PPP2R2C: variants seen among roughly 807,000 people sequenced by gnomAD.
PPP2R2C encodes protein phosphatase 2 regulatory subunit Bgamma, also known as protein phosphatase 2, regulatory subunit B, gamma.
PPP2R2C carries 10 observed loss-of-function variants against 45.3 expected under a neutral mutation model. The ratio of observed to expected loss-of-function variants is 0.22; its 90% CI spans 0.14 to 0.37. The LOEUF (loss-of-function observed/expected upper bound fraction) is 0.37, where lower values mean the gene tolerates loss of function less well. PPP2R2C is among the 10% of genes least tolerant of loss of function. The pLI is 1.00. For synonymous variants in PPP2R2C, 257 were observed against 245.4 expected (o/e 1.05, Z -0.44); for missense variants, 308 against 619.7 (o/e 0.50, Z 5.34).
chr4:6,426,927 A>G (rs1463298483), intron 1 of PPP2R2C, among the ~76,000 whole-genome samples: 1 of 152,264 alleles, frequency 6.6e-6, no homozygotes, highest in Non-Finnish European at 1.5e-5. Flanking sequence ...TTGAGCACCA[A>G]CATGGGGAGG....
At chr4:6,338,460 C>A (rs1010106408) in intron 6 of PPP2R2C, among the ~76,000 whole-genome samples, 1 of 152,200 alleles carries the variant, frequency 6.6e-6, no homozygotes. Context: ...AGGTGTGGGG[C>A]GGCTCTGACG....
chr4:6,562,766 C>G (rs1275696165), intron 1 of PPP2R2C, among the ~76,000 whole-genome samples: 2 of 152,168 alleles, frequency 1.3e-5, no homozygotes, highest in African/African-American at 2.4e-5. Context: ...GAAGGCCACC[C>G]GGCCGGTCAG....
At chr4:6,448,765 GTCC>G (rs1720570446) in intron 1 of PPP2R2C, among the ~76,000 whole-genome samples, 1 of 152,128 alleles carries the variant, frequency 6.6e-6, no homozygotes, top group Non-Finnish European at 1.5e-5. Context: ...GTGCCTGGCT[GTCC>G]TCCTCCCCCC....
chr4:6,413,824 C>G lies in PPP2R2C; in HGVS notation c.71-32730G>C. On this transcript the variant is annotated intron_variant, in intron 1 of 8. Transcript: ENST00000382599. Reference sequence around the variant, plus strand: ...GGCCACAGCTAGCAGAGGACTGTGCCGGGGCTCCCACTCAGGGCTGGCCAG... The same window carrying G: ...GGCCACAGCTAGCAGAGGACTGTGCGGGGGCTCCCACTCAGGGCTGGCCAG... The G allele has an allele frequency of 5.3e-6, 8 of 1,511,116 alleles. No individual in the cohort carries two copies. The South Asian group carries it at 9.6e-5, about 18-fold the overall frequency. 93.6% of individuals were successfully genotyped at this position (1,511,116 alleles called of 1,614,324 possible). A position where few individuals can be genotyped will look rare whatever the true frequency, so the allele number is the denominator to read the frequency against.
At chr4:6,377,410 C>T (rs1391540723) in intron 3 of PPP2R2C, among the ~76,000 whole-genome samples, 4 of 152,012 alleles carry the variant, frequency 2.6e-5, no homozygotes, top group African/African-American at 9.7e-5. Flanking sequence ...AATCCCAGCA[C>T]TTTGGGAGGC....
chr4:6,538,426 G>A (rs6850064), intron 1 of PPP2R2C, among the ~76,000 whole-genome samples: 49,131 of 151,922 alleles, frequency 0.32, 8,063 homozygotes, highest in Middle Eastern at 0.43. Context: ...CGACGCAAGC[G>A]TTTCAGAGCA....
At position 6,378,605 on chromosome 4, in the gene PPP2R2C, C is replaced by G. The variant is rs370744467; in HGVS notation, c.169-33G>C. 2 of 1,595,138 alleles carry G rather than the reference C, an allele frequency of 1.3e-6. No individual in the cohort carries two copies. The highest frequency in any genetic ancestry group is 2.7e-5 in the African/African-American group (2 of 74,486). ...GAAACCCGGAGAAGGGGCCTGAGCA[C>G]CGTGACCTGCAGGGCGACGGCTAGG... On this transcript the variant is annotated intron_variant, in intron 2 of 8. Coordinates refer to ENST00000382599, the MANE Select transcript of PPP2R2C (RefSeq NM_020416.4). The surrounding 1 kb of genome is among the most constrained non-coding windows in gnomAD (Gnocchi z 5.2).
chr4:6,392,018 T>G (rs1716679704), intron 1 of PPP2R2C, among the ~76,000 whole-genome samples: 1 of 152,194 alleles, frequency 6.6e-6, no homozygotes, highest in Non-Finnish European at 1.5e-5. Context: ...GGAAATACAC[T>G]TAGTCATTCA....
chr4:6,381,151 G>T, intron 1 of PPP2R2C, 57 bp from the exon 2 acceptor site: 1 of 1,552,782 alleles, frequency 6.4e-7, no homozygotes. Context: ...CCTCTCCCGG[G>T]TGCTCAACAG....
At chr4:6,441,121 G>A (rs930990725) in intron 1 of PPP2R2C, among the ~76,000 whole-genome samples, 1 of 152,108 alleles carries the variant, frequency 6.6e-6, no homozygotes, top group Non-Finnish European at 1.5e-5. Flanking sequence ...AGCTCTGCAG[G>A]TGCACAGGAA....
intron 1 of PPP2R2C, among the ~76,000 whole-genome samples, chr4:6,387,055 T>C (rs888249854): frequency 6.6e-6 from 1 of 151,814 alleles, no homozygotes; most frequent in Non-Finnish European, 1.5e-5. Flanking sequence ...GTCTGAAGAA[T>C]AGAGAGAAAA....
intron 5 of PPP2R2C, among the ~76,000 whole-genome samples, chr4:6,355,079 T>C (rs760849862): frequency 6.6e-6 from 1 of 152,254 alleles, no homozygotes; most frequent in Non-Finnish European, 1.5e-5. Context: ...CATTAATCAC[T>C]GCTTATTACA....
Position 6,467,110 on chromosome 4 carries a change from C to T in PPP2R2C, c.70+5050G>A, listed in dbSNP as rs147033571. On this transcript the variant is annotated intron_variant, in intron 1 of 8. Transcript: ENST00000382599. ...CCAGCACTGAAATGGAGCCCACACT[C>T]GCTGTGAAGCCCAAGGGAAGCTTAT... Among the ~76,000 whole-genome samples, 595 of 152,276 alleles carry T rather than the reference C, an allele frequency of 3.9e-3. 6 individuals carry two copies. Among genetic ancestry groups the T allele is most frequent in the African/African-American group, 0.013 (559 of 41,558 alleles).
At chr4:6,327,914 C>G (rs115202904) in intron 8 of PPP2R2C, among the ~76,000 whole-genome samples, 6 of 152,196 alleles carry the variant, frequency 3.9e-5, no homozygotes, top group Admixed American at 6.5e-5. Flanking sequence ...CTTGGCCCCC[C>G]ACTTGGATCC....
At chr4:6,421,252 C>T (rs1006349111) in intron 1 of PPP2R2C, 1 of 498,452 alleles carries the variant, frequency 2.0e-6, no homozygotes, top group African/African-American at 2.1e-5. Flanking sequence ...TGCATTCAAT[C>T]ATGGTCGCAC....
At chr4:6,444,167 ACACT>A (rs1361760117) in intron 1 of PPP2R2C, among the ~76,000 whole-genome samples, 1 of 152,152 alleles carries the variant, frequency 6.6e-6, no homozygotes, top group Non-Finnish European at 1.5e-5. Context: ...GATGGGACAG[ACACT>A]CACCATGTGC....
At chr4:6,348,146 T>A in intron 5 of PPP2R2C, 136 bp from the exon 6 acceptor site, 1 of 976,862 alleles carries the variant, frequency 1.0e-6, no homozygotes, top group Non-Finnish European at 1.5e-6. Flanking sequence ...CCTGAGACCC[T>A]CAAAATGCGT....
intron 1 of PPP2R2C, among the ~76,000 whole-genome samples, chr4:6,406,884 T>G (rs567546101): frequency 6.6e-6 from 1 of 152,382 alleles, no homozygotes; most frequent in Non-Finnish European, 1.5e-5. Flanking sequence ...TTAAGGATTC[T>G]GAGATGAGAA....
intron 1 of PPP2R2C, among the ~76,000 whole-genome samples, chr4:6,431,680 C>G (rs1719631014): frequency 6.6e-6 from 1 of 152,200 alleles, no homozygotes; most frequent in South Asian, 2.1e-4. Flanking sequence ...CACTTATACT[C>G]TAGTCCACAC....
Sources: allele counts gnomAD v4.1 joint callset (sites outside exome capture counted in the v4.1 genomes callset), GRCh38; gene constraint gnomAD v4.1.1; non-coding constraint Gnocchi (gnomAD v3.1); transcripts MANE v1.5; gene names NCBI Gene and HGNC (gene_info 2026-07-23, HGNC 2026-07-21).